Variants in HS3ST4 observed in about 807,000 individuals in gnomAD.
HS3ST4 encodes the protein heparan sulfate-glucosamine 3-sulfotransferase 4.
In HS3ST4, 17 loss-of-function variants were observed where a neutral mutation model predicts 29.2. The observed-to-expected ratio is 0.58, with a 90% CI of 0.40 to 0.87. The LOEUF (loss-of-function observed/expected upper bound fraction) is 0.87. HS3ST4 is among the 40% of genes least tolerant of loss of function. The pLI is 0.00. For synonymous variants in HS3ST4, 314 were observed against 285.7 expected (o/e 1.10, Z -1.00); for missense variants, 627 against 634.5 (o/e 0.99, Z 0.13).
intron 1 of HS3ST4, among the ~76,000 whole-genome samples, chr16:25,891,058 T>C (rs1195625572): frequency 2.0e-5 from 3 of 152,054 alleles, no homozygotes; most frequent in Non-Finnish European, 4.4e-5. Flanking sequence ...CACTTGGTGA[T>C]GTGAGGATCT....
At chr16:26,125,910 A>C (rs995277460) in intron 1 of HS3ST4, among the ~76,000 whole-genome samples, 1 of 152,156 alleles carries the variant, frequency 6.6e-6, no homozygotes, top group South Asian at 2.1e-4. Flanking sequence ...TTCAAATTAT[A>C]ATTTCCAACT....
At chr16:25,923,743 C>T (rs1968377022) in intron 1 of HS3ST4, among the ~76,000 whole-genome samples, 1 of 152,194 alleles carries the variant, frequency 6.6e-6, no homozygotes, top group Admixed American at 6.5e-5. Flanking sequence ...CTCTAGCTTT[C>T]AATCCTGTTC....
intron 1 of HS3ST4, among the ~76,000 whole-genome samples, chr16:25,716,523 G>A (rs927825154): frequency 7.2e-5 from 11 of 152,202 alleles, no homozygotes; most frequent in Non-Finnish European, 1.6e-4. Context: ...TCTTGAAAAT[G>A]CTGAGGCAAC....
At chr16:26,058,482 C>A (rs1314988892) in intron 1 of HS3ST4, among the ~76,000 whole-genome samples, 4 of 152,112 alleles carry the variant, frequency 2.6e-5, no homozygotes, top group African/African-American at 7.2e-5. Flanking sequence ...CTGGGGGTGA[C>A]ATGGCTCACA....
At chr16:25,895,202 G>A (rs1347439741) in intron 1 of HS3ST4, among the ~76,000 whole-genome samples, 1 of 151,972 alleles carries the variant, frequency 6.6e-6, no homozygotes, top group Admixed American at 6.6e-5. Flanking sequence ...CTGGACCATG[G>A]TAACCATGCC....
At chr16:26,072,666 G>A (rs183411473) in intron 1 of HS3ST4, among the ~76,000 whole-genome samples, 2 of 152,056 alleles carry the variant, frequency 1.3e-5, no homozygotes, top group African/African-American at 2.4e-5. Context: ...TTCTTATTTT[G>A]TGGTTATCAC....
chr16:25,929,703 G>T (rs1164265575), intron 1 of HS3ST4, among the ~76,000 whole-genome samples: 2 of 152,194 alleles, frequency 1.3e-5, no homozygotes, highest in African/African-American at 2.4e-5. Context: ...CTAGAAGGTT[G>T]GCAGCAGGGA....
intron 1 of HS3ST4, among the ~76,000 whole-genome samples, chr16:26,046,025 T>C (rs992314125): frequency 6.6e-6 from 1 of 152,196 alleles, no homozygotes; most frequent in African/African-American, 2.4e-5. Context: ...AAAATTACTC[T>C]TGTTGCCTAT....
chr16:25,878,954 T>C (rs1328719978), intron 1 of HS3ST4, among the ~76,000 whole-genome samples: 5 of 152,196 alleles, frequency 3.3e-5, no homozygotes, highest in African/African-American at 9.6e-5. Flanking sequence ...CTCTGTGCTC[T>C]GTCTGCTTCA....
intron 1 of HS3ST4, among the ~76,000 whole-genome samples, chr16:26,102,851 G>A (rs766835139): frequency 3.9e-5 from 6 of 152,160 alleles, no homozygotes; most frequent in Non-Finnish European, 8.8e-5. Flanking sequence ...GCAGGTTTTT[G>A]GACAAGGGGA....
rs556926447 is a variant in HS3ST4 at position 25,937,982 on chromosome 16, G to T, written c.735-197630G>T. Among the ~76,000 whole-genome samples the T allele has an allele frequency of 5.3e-5, 8 of 152,288 alleles. No individual in the cohort carries two copies. In the East Asian group the frequency reaches 1.5e-3, roughly 29 times the overall value. ...AGGCAGTAGGAGGGAAATGCGCAGG[G>T]TTGGAGACATCTAACTGGGCTTTCT... On this transcript the variant is annotated intron_variant, in intron 1 of 1. Transcript: ENST00000331351.
At chr16:25,934,088 G>A (rs1968492730) in intron 1 of HS3ST4, among the ~76,000 whole-genome samples, 1 of 152,220 alleles carries the variant, frequency 6.6e-6, no homozygotes. Flanking sequence ...TAAATCTTGG[G>A]AGGAGGTTCC....
intron 1 of HS3ST4, among the ~76,000 whole-genome samples, chr16:25,980,610 G>C (rs954344150): frequency 6.6e-6 from 1 of 152,150 alleles, no homozygotes; most frequent in Non-Finnish European, 1.5e-5. Context: ...TATGACAAAG[G>C]CTTCTTGTTC....
At chr16:25,747,244 T>C (rs1208895120) in intron 1 of HS3ST4, among the ~76,000 whole-genome samples, 1 of 152,248 alleles carries the variant, frequency 6.6e-6, no homozygotes, top group Non-Finnish European at 1.5e-5. Context: ...TCCTGGTGAC[T>C]ACTCCTCTTT....
chr16:25,709,084 A>G (rs924160591), intron 1 of HS3ST4, among the ~76,000 whole-genome samples: 16 of 149,928 alleles, frequency 1.1e-4, no homozygotes, highest in Admixed American at 7.2e-4. Flanking sequence ...AATTGGGGAT[A>G]TCTTTTTTTT....
intron 1 of HS3ST4, among the ~76,000 whole-genome samples, chr16:25,754,959 A>G (rs904124580): frequency 6.6e-6 from 1 of 151,798 alleles, no homozygotes; most frequent in Admixed American, 6.6e-5. Context: ...CTACCCATCC[A>G]GGTACCCATT....
At chr16:25,807,193 C>A (rs556236294) in intron 1 of HS3ST4, among the ~76,000 whole-genome samples, 1 of 152,232 alleles carries the variant, frequency 6.6e-6, no homozygotes, top group East Asian at 1.9e-4. Flanking sequence ...GGGCTGGTCT[C>A]GAACTCCTGA....
chr16:26,040,199 G>A (rs963777716), intron 1 of HS3ST4, among the ~76,000 whole-genome samples: 2 of 151,606 alleles, frequency 1.3e-5, no homozygotes, highest in Middle Eastern at 3.4e-3. Flanking sequence ...ACATGTTTGT[G>A]TCTATTTACT....
chr16:26,115,981 C>T (rs886926999), intron 1 of HS3ST4, among the ~76,000 whole-genome samples: 16 of 152,196 alleles, frequency 1.1e-4, no homozygotes, highest in African/African-American at 2.4e-4. Context: ...GCGTAACAAA[C>T]GTAAGGGCTT....
Sources: gnomAD v4.1 joint callset for allele counts (sites outside exome capture counted in the v4.1 genomes callset) on GRCh38, gnomAD v4.1.1 for gene constraint, MANE v1.5 for transcripts, NCBI Gene and HGNC (gene_info 2026-07-23, HGNC 2026-07-21) for gene names.